The following CADM2 variants were observed in gnomAD, a reference collection of about 807,000 sequenced individuals.
CADM2 encodes cell adhesion molecule 2.
CADM2 carries 12 observed loss-of-function variants against 49.8 expected under a neutral mutation model. That is an observed-to-expected ratio of 0.24 (90% CI 0.15 to 0.39). The LOEUF is 0.39. CADM2 is among the 10% of genes least tolerant of loss of function. The pLI is 1.00. For synonymous variants in CADM2, 214 were observed against 175.4 expected (o/e 1.22, Z -1.74); for missense variants, 378 against 492.3 (o/e 0.77, Z 2.20).
rs576983050 is a variant in CADM2, at chr3:85,909,374, G to A, written c.530-2999G>A. Among the ~76,000 whole-genome samples the A allele has an allele frequency of 6.1e-5, 9 of 148,036 alleles. No homozygotes were observed. In the South Asian group the frequency reaches 8.6e-4, roughly 14 times the overall value. ...TAACACATTATGTAATATATAGGAC[G>A]TGCATATTTTGAAAAATGTAAAATG... On this transcript the variant is annotated intron_variant, in intron 5 of 9. Transcript: ENST00000383699.
chr3:84,985,989 T>C (rs2032528403), intron 1 of CADM2, among the ~76,000 whole-genome samples: 1 of 152,224 alleles, frequency 6.6e-6, no homozygotes, highest in Non-Finnish European at 1.5e-5. Flanking sequence ...CAGTTGCTGC[T>C]GAGTAAGCGT....
intron 1 of CADM2, among the ~76,000 whole-genome samples, chr3:85,062,080 A>G (rs184019654): frequency 6.7e-6 from 1 of 150,340 alleles, no homozygotes; most frequent in Admixed American, 6.6e-5. Context: ...TCACTCATAC[A>G]CACACACGCA....
intron 1 of CADM2, among the ~76,000 whole-genome samples, chr3:85,510,382 A>G (rs1029078809): frequency 3.3e-5 from 5 of 152,080 alleles, no homozygotes; most frequent in Non-Finnish European, 7.4e-5. Context: ...GCATATTCCA[A>G]TTAGAAATTC....
At chr3:85,515,631 A>ATATTT (rs1159969286) in intron 1 of CADM2, among the ~76,000 whole-genome samples, 378 of 118,384 alleles carry the variant, frequency 3.2e-3, no homozygotes, top group African/African-American at 0.011. Context: ...ATATATATAT[A>ATATTT]TTTTTTTTTT....
At chr3:85,955,467 G>A (rs916714756) in intron 7 of CADM2, among the ~76,000 whole-genome samples, 2 of 151,354 alleles carry the variant, frequency 1.3e-5, no homozygotes, top group African/African-American at 4.8e-5. Context: ...TTTTATTCCT[G>A]TTAGGAAGCA....
chr3:85,255,580 G>A (rs1292845957), intron 1 of CADM2, among the ~76,000 whole-genome samples: 1 of 151,800 alleles, frequency 6.6e-6, no homozygotes, highest in East Asian at 1.9e-4. Flanking sequence ...TACTTTATTA[G>A]ATCCTTGTGA....
At chr3:85,818,312 C>T (rs2073343794) in intron 3 of CADM2, among the ~76,000 whole-genome samples, 1 of 152,196 alleles carries the variant, frequency 6.6e-6, no homozygotes, top group East Asian at 1.9e-4. Flanking sequence ...AGTGTGGGCT[C>T]TTTTGGTGAG....
At chr3:85,349,432 C>T (rs2107230682) in intron 1 of CADM2, among the ~76,000 whole-genome samples, 1 of 152,252 alleles carries the variant, frequency 6.6e-6, no homozygotes, top group South Asian at 2.1e-4. Flanking sequence ...TTATCCTAGG[C>T]ATTTATTTCT....
At chr3:86,043,166 G>T (rs942765685) in intron 8 of CADM2, among the ~76,000 whole-genome samples, 7 of 152,158 alleles carry the variant, frequency 4.6e-5, no homozygotes, top group Non-Finnish European at 1.0e-4. Context: ...TTGAAAACTG[G>T]CACAAGACAG....
chr3:85,032,978 T>C (rs1335517195), intron 1 of CADM2, among the ~76,000 whole-genome samples: 3 of 152,164 alleles, frequency 2.0e-5, no homozygotes, highest in Non-Finnish European at 4.4e-5. Context: ...ATTCTCTCTA[T>C]ATATCTTTTT....
intron 1 of CADM2, among the ~76,000 whole-genome samples, chr3:85,283,392 G>A (rs1290600624): frequency 2.0e-5 from 3 of 151,538 alleles, no homozygotes; most frequent in African/African-American, 7.2e-5. Context: ...ACATATTTCA[G>A]TTATCAAAGC....
intron 1 of CADM2, among the ~76,000 whole-genome samples, chr3:85,273,202 G>A (rs2043282395): frequency 6.6e-6 from 1 of 151,310 alleles, no homozygotes. Context: ...TTGTATGTGA[G>A]TGAACAAGAG....
At chr3:85,762,295 G>T (rs886175690) in intron 2 of CADM2, among the ~76,000 whole-genome samples, 1 of 152,014 alleles carries the variant, frequency 6.6e-6, no homozygotes, top group Non-Finnish European at 1.5e-5. Context: ...ATCTTCTCCA[G>T]TGTTATTTCT....
At chr3:85,678,680 A>G (rs1200131548) in intron 1 of CADM2, among the ~76,000 whole-genome samples, 1 of 152,202 alleles carries the variant, frequency 6.6e-6, no homozygotes, top group Non-Finnish European at 1.5e-5. Context: ...TCCTCATAAA[A>G]ATCTATGAAA....
intron 1 of CADM2, among the ~76,000 whole-genome samples, chr3:85,246,315 A>G (rs1199596071): frequency 6.6e-6 from 1 of 152,098 alleles, no homozygotes; most frequent in African/African-American, 2.4e-5. Context: ...GGAAGGGGGT[A>G]GGGAAAGCAT....
At chr3:85,288,786 C>CCG (rs1393461954) in intron 1 of CADM2, among the ~76,000 whole-genome samples, 1 of 70,788 alleles carries the variant, frequency 1.4e-5, no homozygotes, top group Non-Finnish European at 2.4e-5. Context: ...ACCAATATGC[C>CCG]CCCCCCCCCT....
At chr3:85,962,942 A>ATATGTG (rs1725022216) in intron 8 of CADM2, among the ~76,000 whole-genome samples, 1 of 151,940 alleles carries the variant, frequency 6.6e-6, no homozygotes, top group Non-Finnish European at 1.5e-5. Context: ...ACTAAAAGAC[A>ATATGTG]TATGTGTTTG....
intron 1 of CADM2, among the ~76,000 whole-genome samples, chr3:84,970,467 T>G (rs990016470): frequency 7.7e-4 from 6 of 7,800 alleles, no homozygotes; most frequent in Non-Finnish European, 1.2e-3. Context: ...GCGACTTTTC[T>G]TAAAAGTCAA....
At chr3:85,684,007 T>G (rs1310542796) in intron 1 of CADM2, among the ~76,000 whole-genome samples, 1 of 152,156 alleles carries the variant, frequency 6.6e-6, no homozygotes, top group Non-Finnish European at 1.5e-5. Flanking sequence ...TTAGCATATA[T>G]ATCCTGGATA....
Sources: allele counts gnomAD v4.1 joint callset (sites outside exome capture counted in the v4.1 genomes callset), GRCh38; gene constraint gnomAD v4.1.1; transcripts MANE v1.5; gene names NCBI Gene and HGNC (gene_info 2026-07-23, HGNC 2026-07-21).